The following PRKG1 variants were observed in gnomAD, a reference collection of about 807,000 sequenced individuals.
PRKG1 encodes protein kinase cGMP-dependent 1, also known as cGMP-dependent protein kinase 1.
PRKG1 carries 35 observed loss-of-function variants against 88.1 expected under a neutral mutation model. The ratio of observed to expected loss-of-function variants is 0.40; its 90% CI spans 0.30 to 0.53. The LOEUF (loss-of-function observed/expected upper bound fraction) is 0.53, where lower values mean the gene tolerates loss of function less well. PRKG1 is among the 20% of genes least tolerant of loss of function. The probability of loss-of-function intolerance (pLI) is 0.59; values close to 1 mark genes in which losing one functional copy is unlikely to be tolerated. For synonymous variants in PRKG1, 303 were observed against 292.5 expected (o/e 1.04, Z -0.37); for missense variants, 540 against 839.8 (o/e 0.64, Z 4.41).
chr10:51,543,078 G>A (rs1410909185), intron 3 of PRKG1, among the ~76,000 whole-genome samples: 1 of 152,150 alleles, frequency 6.6e-6, no homozygotes, highest in Non-Finnish European at 1.5e-5. Flanking sequence ...CCCCTTTGGG[G>A]TCAACATCAA....
intron 1 of PRKG1, among the ~76,000 whole-genome samples, chr10:51,098,706 A>G (rs1279331168): frequency 6.6e-6 from 1 of 152,198 alleles, no homozygotes; most frequent in Non-Finnish European, 1.5e-5. Context: ...TGAAATTGTC[A>G]AGCTGTCCAT....
chr10:52,272,893 G>A (rs1237848356), intron 12 of PRKG1, among the ~76,000 whole-genome samples: 1 of 151,896 alleles, frequency 6.6e-6, no homozygotes, highest in African/African-American at 2.4e-5. Flanking sequence ...TTTGCCTTTT[G>A]TGACATTGTG....
Position 51,420,157 on chromosome 10 carries a change from T to C in PRKG1, c.479-47566T>C, listed in dbSNP as rs190296445. Among the ~76,000 whole-genome samples, 745 of 152,170 alleles carry C rather than the reference T, an allele frequency of 4.9e-3. 9 individuals are homozygous for C. Among genetic ancestry groups the C allele is most frequent in the African/African-American group, 0.016 (677 of 41,512 alleles). On this transcript the variant is annotated intron_variant, in intron 2 of 17. Coordinates refer to ENST00000373980, the MANE Select transcript of PRKG1 (RefSeq NM_006258.4). ...GGAGACCTCAGGAAGCTTCCAGTCATGGTGGAAGTTGAAGCGGGAGCAGGC... is the reference window on the plus strand; with the variant it reads ...GGAGACCTCAGGAAGCTTCCAGTCACGGTGGAAGTTGAAGCGGGAGCAGGC...
At chr10:51,894,178 T>G (rs749736827) in intron 4 of PRKG1, among the ~76,000 whole-genome samples, 3 of 152,202 alleles carry the variant, frequency 2.0e-5, no homozygotes, top group Non-Finnish European at 2.9e-5. Flanking sequence ...TAGTGATTAT[T>G]TTAAGTTATC....
At chr10:51,016,966 C>T (rs1843075210) in intron 1 of PRKG1, among the ~76,000 whole-genome samples, 1 of 151,566 alleles carries the variant, frequency 6.6e-6, no homozygotes, top group African/African-American at 2.4e-5. Flanking sequence ...CGTGCCTGGC[C>T]TATTATCCCC....
upstream of PRKG1, among the ~76,000 whole-genome samples, chr10:51,073,405 G>A (rs1435959782): frequency 6.6e-6 from 1 of 152,178 alleles, no homozygotes; most frequent in Non-Finnish European, 1.5e-5. Context: ...GCTTGGTTGT[G>A]AGGAAAGTAA....
intron 3 of PRKG1, among the ~76,000 whole-genome samples, chr10:51,667,514 T>C (rs1413030127): frequency 6.6e-6 from 1 of 152,144 alleles, no homozygotes; most frequent in Non-Finnish European, 1.5e-5. Context: ...TAGGGAACAC[T>C]CTTACTGAGG....
At chr10:51,887,046 G>T (rs545079932) in intron 4 of PRKG1, among the ~76,000 whole-genome samples, 4 of 152,110 alleles carry the variant, frequency 2.6e-5, no homozygotes, top group Non-Finnish European at 5.9e-5. Context: ...GAGTGCAGTG[G>T]TGCATCTCCA....
intron 2 of PRKG1, among the ~76,000 whole-genome samples, chr10:51,316,684 A>G (rs906016806): frequency 6.7e-6 from 1 of 148,340 alleles, no homozygotes; most frequent in Non-Finnish European, 1.5e-5. Context: ...CTCCGTCTCA[A>G]AAAATAAATA....
At chr10:51,732,058 C>T in intron 3 of PRKG1, among the ~76,000 whole-genome samples, 1 of 144,494 alleles carries the variant, frequency 6.9e-6, no homozygotes, top group South Asian at 2.3e-4. Context: ...TTCCTTCCCT[C>T]CTTCCCTTTT....
chr10:51,650,875 T>C (rs1840021891), intron 3 of PRKG1, among the ~76,000 whole-genome samples: 1 of 152,172 alleles, frequency 6.6e-6, no homozygotes, highest in African/African-American at 2.4e-5. Context: ...ATCAGTTGCC[T>C]ACTGTGTAAT....
chr10:51,417,243 A>T (rs1263009688), intron 2 of PRKG1, among the ~76,000 whole-genome samples: 1 of 152,218 alleles, frequency 6.6e-6, no homozygotes, highest in South Asian at 2.1e-4. Context: ...ACATGGTCCT[A>T]CATGACATTT....
At chr10:51,220,992 G>C (rs1195618743) in intron 2 of PRKG1, among the ~76,000 whole-genome samples, 1 of 151,960 alleles carries the variant, frequency 6.6e-6, no homozygotes. Flanking sequence ...AAGATGCTTA[G>C]TTCCAATATG....
intron 5 of PRKG1, among the ~76,000 whole-genome samples, chr10:52,045,989 G>A (rs747356665): frequency 2.6e-5 from 4 of 152,110 alleles, no homozygotes; most frequent in African/African-American, 4.8e-5. Flanking sequence ...GATGTTTGCT[G>A]AGATTCTGGT....
intron 3 of PRKG1, among the ~76,000 whole-genome samples, chr10:51,612,229 C>G (rs905314092): frequency 2.0e-5 from 3 of 152,000 alleles, no homozygotes; most frequent in African/African-American, 7.2e-5. Flanking sequence ...TTGCTTTGGG[C>G]AGTATAGTCA....
At chr10:52,128,201 G>A (rs2132624471) in intron 7 of PRKG1, 1 of 985,386 alleles carries the variant, frequency 1.0e-6, no homozygotes, top group African/African-American at 1.7e-5. Flanking sequence ...ATAAGCAACT[G>A]GAGTAGTGTC....
At chr10:51,130,472 T>C (rs535478685) in intron 1 of PRKG1, among the ~76,000 whole-genome samples, 5 of 152,332 alleles carry the variant, frequency 3.3e-5, no homozygotes, top group African/African-American at 1.2e-4. Context: ...TTTCTTGGTC[T>C]GCTCATTTAC....
intron 2 of PRKG1, among the ~76,000 whole-genome samples, chr10:51,348,530 G>A (rs570708447): frequency 1.3e-5 from 2 of 152,108 alleles, no homozygotes; most frequent in South Asian, 2.1e-4. Flanking sequence ...TAAAACAAGC[G>A]CATTAGAGAT....
intron 5 of PRKG1, among the ~76,000 whole-genome samples, chr10:51,985,813 A>G (rs927026617): frequency 6.6e-6 from 1 of 152,194 alleles, no homozygotes; most frequent in Non-Finnish European, 1.5e-5. Context: ...TTGGGCTGCT[A>G]TAACAAATAC....
Sources: gnomAD v4.1 joint callset for allele counts (sites outside exome capture counted in the v4.1 genomes callset) on GRCh38, gnomAD v4.1.1 for gene constraint, MANE v1.5 for transcripts, NCBI Gene and HGNC (gene_info 2026-07-23, HGNC 2026-07-21) for gene names.